The following FCHO2 variants were observed in gnomAD, a reference collection of about 807,000 sequenced individuals.
The protein encoded by FCHO2 is FCH and mu domain containing endocytic adaptor 2.
A neutral mutation model predicts 114.1 loss-of-function variants in FCHO2; 43 were observed. The observed-to-expected ratio is 0.38, with a 90% confidence interval of 0.30 to 0.49. The LOEUF is 0.49. FCHO2 is among the 20% of genes least tolerant of loss of function. FCHO2 has a pLI of 0.97. For missense variants in FCHO2, 807 were observed against 950.4 expected, an observed-to-expected ratio of 0.85 and a Z score of 1.98; for synonymous variants, 293 against 315.2, an observed-to-expected ratio of 0.93 and a Z score of 0.75.
chr5:72,973,953 G>T (rs1451967165), intron 2 of FCHO2, among the ~76,000 whole-genome samples: 1 of 150,642 alleles, frequency 6.6e-6, no homozygotes, highest in Non-Finnish European at 1.5e-5. Context: ...CCTTCATTTC[G>T]TTATGTACCC....
intron 2 of FCHO2, among the ~76,000 whole-genome samples, chr5:72,970,018 T>C (rs1752434097): frequency 6.6e-6 from 1 of 152,206 alleles, no homozygotes; most frequent in Non-Finnish European, 1.5e-5. Flanking sequence ...TATTTTTGCC[T>C]GAACTTCAGC....
intron 11 of FCHO2, among the ~76,000 whole-genome samples, chr5:73,042,543 T>C (rs991158271): frequency 2.6e-5 from 4 of 152,192 alleles, no homozygotes; most frequent in African/African-American, 9.6e-5. Flanking sequence ...ACTTAGTACT[T>C]ATCCAGAATA....
chr5:72,979,004 G>A lies in FCHO2; in HGVS notation c.125+10415G>A, dbSNP rs62360752. 3.2e-4 allele frequency among the ~76,000 whole-genome samples: 49 copies of A among 152,098 alleles called. No homozygotes were observed. The East Asian group carries it at 5.2e-3, about 16-fold the overall frequency. On this transcript the variant is annotated intron_variant, in intron 2 of 25. Coordinates refer to ENST00000430046, the MANE Select transcript of FCHO2 (RefSeq NM_138782.3). ...AGCTTTTTGATGTGTTGCTGGATTCGGTTTGCCTGTATTTTATTGAGGATT... is the reference window on the plus strand; with the variant it reads ...AGCTTTTTGATGTGTTGCTGGATTCAGTTTGCCTGTATTTTATTGAGGATT...
intron 8 of FCHO2, among the ~76,000 whole-genome samples, chr5:73,025,409 G>A (rs372369858): frequency 1.2e-4 from 16 of 128,196 alleles, no homozygotes; most frequent in Non-Finnish European, 1.6e-4. Flanking sequence ...ATGGAGTTTC[G>A]CTCTTGTTGC....
At chr5:73,041,192 A>G in intron 10 of FCHO2, 99 bp from the exon 11 acceptor site, 2 of 724,448 alleles carry the variant, frequency 2.8e-6, no homozygotes, top group Non-Finnish European at 4.7e-6. Flanking sequence ...GTAGAGTTTA[A>G]ATAAAAGCTA....
At position 73,083,176 on chromosome 5, in the gene FCHO2, G is replaced by A. The variant is rs201172571; in HGVS notation, c.2245+351G>A. Reference sequence around the variant, plus strand: ...TGGGATTACAGGCGTGAGCCACTGCGCCTGGCCATGGGTGCACCGTTCCTG... The same window carrying A: ...TGGGATTACAGGCGTGAGCCACTGCACCTGGCCATGGGTGCACCGTTCCTG... On this transcript the variant is annotated intron_variant, in intron 24 of 25. Coordinates refer to ENST00000430046, the MANE Select transcript of FCHO2 (RefSeq NM_138782.3). Among the ~76,000 whole-genome samples the A allele has an allele frequency of 3.9e-5, 6 of 152,072 alleles. No homozygotes were observed. The East Asian group carries it at 5.8e-4, about 15-fold the overall frequency.
intron 15 of FCHO2, chr5:73,054,997 T>C (rs945587056): frequency 3.7e-6 from 1 of 271,718 alleles, no homozygotes; most frequent in Non-Finnish European, 7.7e-6. Context: ...GAATCATGCA[T>C]TAAAAATAAC....
chr5:72,956,536 C>T (rs370869485), intron 1 of FCHO2, among the ~76,000 whole-genome samples: 41 of 152,086 alleles, frequency 2.7e-4, no homozygotes, highest in African/African-American at 9.6e-4. Context: ...CTGGGAGCGC[C>T]GGGCGGTGGG....
intron 6 of FCHO2, among the ~76,000 whole-genome samples, chr5:73,014,209 A>G (rs1755173491): frequency 6.6e-6 from 1 of 152,070 alleles, no homozygotes; most frequent in African/African-American, 2.4e-5. Flanking sequence ...AATAGAGTAT[A>G]TAGGCTTTCC....
At chr5:72,968,213 C>T (rs1470527718) in intron 1 of FCHO2, among the ~76,000 whole-genome samples, 1 of 152,160 alleles carries the variant, frequency 6.6e-6, no homozygotes, top group Admixed American at 6.5e-5. Context: ...TGTGAGCCAC[C>T]ACACCCGGTC....
chr5:73,033,208 A>C (rs1206890477), intron 8 of FCHO2, among the ~76,000 whole-genome samples: 1 of 152,142 alleles, frequency 6.6e-6, no homozygotes, highest in Non-Finnish European at 1.5e-5. Context: ...AGAAGTGATA[A>C]ACATTTTTTT....
At chr5:72,987,329 ATGTT>A (rs751525773) in intron 2 of FCHO2, among the ~76,000 whole-genome samples, 11 of 151,776 alleles carry the variant, frequency 7.2e-5, no homozygotes, top group East Asian at 3.9e-4. Context: ...TTGATTAGGG[ATGTT>A]TGTTTGTTTA....
chr5:73,030,000 CTTTTT>C (rs149524809), intron 8 of FCHO2, among the ~76,000 whole-genome samples: 17,728 of 150,342 alleles, frequency 0.12, 1,246 homozygotes, highest in Non-Finnish European at 0.17. Flanking sequence ...TTGCATTTTT[CTTTTT>C]TTATGTACAG....
At chr5:72,995,437 G>A (rs1754040251) in intron 5 of FCHO2, among the ~76,000 whole-genome samples, 2 of 152,098 alleles carry the variant, frequency 1.3e-5, no homozygotes, top group Non-Finnish European at 2.9e-5. Flanking sequence ...TGTGTTTTTA[G>A]TAGAGATGGG....
intron 19 of FCHO2, among the ~76,000 whole-genome samples, chr5:73,070,244 A>G (rs949932864): frequency 2.6e-5 from 4 of 152,106 alleles, no homozygotes; most frequent in African/African-American, 7.2e-5. Context: ...GAGAAATGCA[A>G]CTAGTGTGTG....
intron 2 of FCHO2, 117 bp downstream of exon 2, chr5:72,968,706 A>C: frequency 1.4e-6 from 1 of 701,082 alleles, no homozygotes; most frequent in Non-Finnish European, 2.2e-6. Context: ...GTTTTAAAAT[A>C]TGTACTGTAA....
At chr5:72,997,480 G>T in intron 5 of FCHO2, 5 of 1,543,474 alleles carry the variant, frequency 3.2e-6, no homozygotes, top group Non-Finnish European at 4.5e-6. Context: ...ACTCTCCAGG[G>T]GTTTACAGGA....
At chr5:73,025,728 A>G (rs1478474509) in intron 8 of FCHO2, among the ~76,000 whole-genome samples, 1 of 152,180 alleles carries the variant, frequency 6.6e-6, no homozygotes, top group East Asian at 1.9e-4. Flanking sequence ...AAATGAGTCT[A>G]GTGACTCACT....
chr5:72,990,848 A>C lies in FCHO2; in HGVS notation c.479A>C (p.Gln160Pro), dbSNP rs1029398122. 6.5e-7 allele frequency: 1 copy of C among 1,542,738 alleles called. No homozygotes were observed. The highest frequency in any genetic ancestry group is 1.4e-5 in the African/African-American group (1 of 72,336). ...QERLKKEGAT[Q>P]REIEKAAVKS... ...CGTTTGAAAAAGGAAGGAGCTACAC[A>C]AAGAGAAATAGAAAAGGTAATCATA... Residue 160 changes from glutamine to proline, a missense_variant, in exon 5 of 26, where the codon CAA (glutamine) becomes CCA (proline). Coordinates refer to ENST00000430046, the MANE Select transcript of FCHO2 (RefSeq NM_138782.3).
Sources: gnomAD v4.1 joint callset for allele counts (sites outside exome capture counted in the v4.1 genomes callset) on GRCh38, gnomAD v4.1.1 for gene constraint, MANE v1.5 for transcripts, NCBI Gene and HGNC (gene_info 2026-07-23, HGNC 2026-07-21) for gene names.